GGA1: variants seen among roughly 807,000 people sequenced by gnomAD.
GGA1 encodes golgi associated, gamma adaptin ear containing, ARF binding protein 1.
Under a neutral mutation model 76.9 loss-of-function variants are expected in GGA1, and 18 were observed. The ratio of observed to expected loss-of-function variants is 0.23; its 90% CI spans 0.16 to 0.35. The LOEUF is 0.35. Among genes scored for constraint, GGA1 ranks in the 10% least tolerant of loss-of-function variants. GGA1 has a pLI of 1.00. For synonymous variants in GGA1, 342 were observed against 354.7 expected, an observed-to-expected ratio of 0.96 and a Z score of 0.40; for missense variants, 755 against 859.0, an observed-to-expected ratio of 0.88 and a Z score of 1.51.
intron 4 of GGA1, 38 bp downstream of exon 4, chr22:37,618,584 G>A (rs769711106): frequency 4.4e-5 from 56 of 1,265,572 alleles, no homozygotes; most frequent in South Asian, 2.7e-4. Flanking sequence ...CTGCCCTGTC[G>A]GATGTGGGGA....
chr22:37,613,282 G>A (rs2145885347), intron 1 of GGA1: 1 of 496,978 alleles, frequency 2.0e-6, no homozygotes, highest in Non-Finnish European at 2.6e-6. Context: ...GCGTGGGTCA[G>A]AGGTGTACCA....
In GGA1 at chr22:37,623,360, G is replaced by C; in HGVS notation, c.643G>C (p.Val215Leu). Residue 215 changes from valine (V) to leucine (L), a missense_variant, in exon 8 of 17, where the codon GTG becomes CTG. Physicochemically the swap from Val to Leu is conservative, Grantham distance 32. Transcript: ENST00000343632. This position sits in a 1 kb window ranked among gnomAD's most constrained non-coding sequence, Gnocchi z 4.6. ...QKRMEKISKRVNAIEEVNNNV... is the reference protein window; with the variant it reads ...QKRMEKISKRLNAIEEVNNNV... Reference sequence around the variant, plus strand: ...GCGGATGGAGAAGATCTCGAAGAGGGTGAATGCCATCGAGGAGGTGAACAA... The same window carrying C: ...GCGGATGGAGAAGATCTCGAAGAGGCTGAATGCCATCGAGGAGGTGAACAA... 6.2e-7 allele frequency: 1 copy of C among 1,613,866 alleles called. No individual in the cohort carries two copies. The highest frequency in any genetic ancestry group is 8.5e-7 in the Non-Finnish European group (1 of 1,179,806).
chr22:37,632,188 C>A lies in GGA1; in HGVS notation c.1698+23C>A. The stretch of plus-strand genomic sequence containing the variant: ...AAGGTGACAAGCCAGTCGGACAGGG[C>A]ATGCCTCCCTCCTCTCAAGGCAGGG... On this transcript the variant is annotated intron_variant, in intron 15 of 16. Coordinates refer to ENST00000343632, the MANE Select transcript of GGA1 (RefSeq NM_013365.5). The surrounding 1 kb of genome is among the most constrained non-coding windows in gnomAD (Gnocchi z 5.1). 1.3e-6 allele frequency: 2 copies of A among 1,597,630 alleles called. No homozygotes were observed. Among genetic ancestry groups the A allele is most frequent in the African/African-American group, 1.3e-5 (1 of 74,838 alleles).
intron 1 of GGA1, 155 bp downstream of exon 1, chr22:37,609,058 T>A: frequency 6.7e-7 from 1 of 1,485,834 alleles, no homozygotes; most frequent in Non-Finnish European, 8.9e-7. Flanking sequence ...CCTCAGACCC[T>A]GGAGCGATGG....
At chr22:37,612,898 G>A (rs1340360655) in intron 1 of GGA1, 14 of 984,586 alleles carry the variant, frequency 1.4e-5, no homozygotes, top group South Asian at 1.4e-4. Context: ...CTGTCTGGTC[G>A]TGTTTACACC....
chr22:37,623,782 C>T lies in GGA1; in HGVS notation c.832+149C>T. On this transcript the variant is annotated intron_variant, in intron 9 of 16. Transcript: ENST00000343632. This position sits in a 1 kb window ranked among gnomAD's most constrained non-coding sequence, Gnocchi z 4.6. ...CCAGCACCGACCTTGGGTTTCTCCT[C>T]TCTGAGGACACAGAGCAGGGGCCGC... The T allele has an allele frequency of 1.6e-6, 1 of 621,742 alleles. No individual in the cohort carries two copies. Among genetic ancestry groups the T allele is most frequent in the Non-Finnish European group, 2.9e-6 (1 of 344,066 alleles). The allele number at this position is 621,742 out of a possible 1,614,324, so 38.5% of individuals were successfully genotyped here.
intron 3 of GGA1, chr22:37,618,187 C>A: frequency 2.6e-6 from 1 of 389,876 alleles, no homozygotes; most frequent in Non-Finnish European, 4.6e-6. Flanking sequence ...AGATGTGGGG[C>A]CTAAGCTATG....
At chr22:37,618,122 C>CAA (rs35958963) in intron 3 of GGA1, 155 of 93,838 alleles carry the variant, frequency 1.7e-3, no homozygotes, top group East Asian at 2.9e-3. Flanking sequence ...AACTCTGTCT[C>CAA]AAAAAAAAAA....
chr22:37,609,416 G>T, intron 1 of GGA1: 1 of 768,014 alleles, frequency 1.3e-6, no homozygotes, highest in African/African-American at 1.9e-5. Flanking sequence ...TGCCCCATTT[G>T]ATTCCTCCCG....
chr22:37,629,779 C>A (rs978155582), intron 12 of GGA1, among the ~76,000 whole-genome samples: 9 of 152,204 alleles, frequency 5.9e-5, no homozygotes, highest in Non-Finnish European at 1.2e-4. Context: ...GGCAATCCCT[C>A]TTCCTTTCCC....
At chr22:37,616,706 G>A (rs1928859159) in intron 2 of GGA1, among the ~76,000 whole-genome samples, 1 of 152,184 alleles carries the variant, frequency 6.6e-6, no homozygotes, top group South Asian at 2.1e-4. Context: ...CACAATCTCA[G>A]GCCATAACTG....
At chr22:37,609,384 C>G (rs987686910) in intron 1 of GGA1, 1 of 1,045,500 alleles carries the variant, frequency 9.6e-7, no homozygotes, top group Non-Finnish European at 1.2e-6. Flanking sequence ...CTCATTACCC[C>G]GTCCTGGAAG....
At chr22:37,618,787 A>G (rs1344716965) in intron 4 of GGA1, among the ~76,000 whole-genome samples, 1 of 152,180 alleles carries the variant, frequency 6.6e-6, no homozygotes, top group Non-Finnish European at 1.5e-5. Context: ...CGGGGCAGCC[A>G]TGGAGCTGCC....
chr22:37,626,526 T>A (rs1469678490), intron 11 of GGA1: 2 of 152,188 alleles, frequency 1.3e-5, no homozygotes, highest in African/African-American at 4.8e-5. Context: ...CCAACTGCTC[T>A]CAGGGCAGCA....
Position 37,618,490 on chromosome 22 carries a change from G to T in GGA1, c.247G>T (p.Asp83Tyr), listed in dbSNP as rs748157403. The T allele has an allele frequency of 1.2e-6, 2 of 1,613,678 alleles. No homozygotes were observed. The highest frequency in any genetic ancestry group is 2.2e-5 in the South Asian group (2 of 91,060). ...CMKSCGKRFH[D>Y]EVGKFRFLNE... ...GAAGAGCTGCGGCAAGCGGTTCCAC[G>T]ACGAAGTGGGCAAGTTCCGCTTTCT... is the stretch of plus-strand genomic sequence containing the variant. The change falls in exon 4 of 17, where the codon GAC becomes TAC. Residue 83 changes from aspartate (D) to tyrosine (Y), a missense_variant. By Grantham distance (160) the Asp-to-Tyr change is radical (BLOSUM62 -3). Coordinates refer to ENST00000343632, the MANE Select transcript of GGA1 (RefSeq NM_013365.5).
chr22:37,609,446 A>C (rs573288108), intron 1 of GGA1: 2 of 468,562 alleles, frequency 4.3e-6, no homozygotes, highest in Non-Finnish European at 5.9e-6. Context: ...GTCTCTAGCC[A>C]CATAGTGAGA....
intron 11 of GGA1, chr22:37,626,791 T>C (rs545142794): frequency 5.2e-5 from 8 of 152,416 alleles, no homozygotes; most frequent in African/African-American, 1.9e-4. Context: ...TGCCCACTAC[T>C]GCACTCTGTC....
Position 37,631,981 on chromosome 22 carries a change from C to T in GGA1, c.1529-15C>T. Reference sequence around the variant, plus strand: ...CAGCTCAGCTGTCCCATCGCCCTCCCACCTTCTCCCACAGGCAACATCCTG... The same window carrying T: ...CAGCTCAGCTGTCCCATCGCCCTCCTACCTTCTCCCACAGGCAACATCCTG... On this transcript the variant is annotated splice_polypyrimidine_tract_variant and intron_variant, in intron 14 of 16. Transcript: ENST00000343632. The T allele has an allele frequency of 6.3e-7, 1 of 1,594,638 alleles. No individual in the cohort carries two copies. The highest frequency in any genetic ancestry group is 8.6e-7 in the Non-Finnish European group (1 of 1,167,550).
intron 11 of GGA1, chr22:37,626,809 A>G (rs1930934024): frequency 6.6e-6 from 1 of 152,260 alleles, no homozygotes; most frequent in African/African-American, 2.4e-5. Flanking sequence ...GTCCTGTCTT[A>G]GGTGACCCTC....
Sources: gnomAD v4.1 joint callset for allele counts (sites outside exome capture counted in the v4.1 genomes callset) on GRCh38, gnomAD v4.1.1 for gene constraint, Gnocchi (gnomAD v3.1) non-coding constraint, MANE v1.5 for transcripts, NCBI Gene and HGNC (gene_info 2026-07-23, HGNC 2026-07-21) for gene names.